Variants in MTERF1 observed in about 807,000 individuals in gnomAD.
The protein encoded by MTERF1 is transcription termination factor 1, mitochondrial.
In MTERF1, 29 loss-of-function variants were observed where a neutral mutation model predicts 31.6. The ratio of observed to expected loss-of-function variants is 0.92; its 90% CI spans 0.68 to 1.25. The LOEUF (loss-of-function observed/expected upper bound fraction) is 1.25. MTERF1 is among the 50% of genes most tolerant of loss of function. The pLI, the probability that MTERF1 is intolerant of heterozygous loss-of-function variation, is 0.00. For synonymous variants in MTERF1, 152 were observed against 164.1 expected (o/e 0.93, Z 0.57); for missense variants, 500 against 469.1 (o/e 1.07, Z -0.61).
chr7:91,878,387 C>T (rs1357641522), intron 2 of MTERF1, among the ~76,000 whole-genome samples: 1 of 152,094 alleles, frequency 6.6e-6, no homozygotes, highest in East Asian at 1.9e-4. Flanking sequence ...AACTTAGAAA[C>T]AGTAATTAAT....
rs1445438364 is a variant in MTERF1 at position 91,873,293 on chromosome 7, T to C, written c.*301A>G. ...AGAATCTGTTTCCTTGCCTTTTCAATCTTTTTTTACAGGCCCCCTTCATTC... is the reference window on the plus strand; with the variant it reads ...AGAATCTGTTTCCTTGCCTTTTCAACCTTTTTTTACAGGCCCCCTTCATTC... On this transcript the variant is annotated 3_prime_UTR_variant, in exon 3 of 3. Transcript: ENST00000351870. 8.7e-6 allele frequency: 2 copies of C among 229,208 alleles called. No homozygotes were observed. Among genetic ancestry groups the C allele is most frequent in the Admixed American group, 1.0e-4 (2 of 19,162 alleles). The allele number at this position is 229,208 out of a possible 1,614,324, so 14.2% of individuals were successfully genotyped here.
At chr7:91,880,398 T>A (rs1252230903) in intron 1 of MTERF1, 5 of 266,852 alleles carry the variant, frequency 1.9e-5, no homozygotes, top group Non-Finnish European at 3.6e-5. Context: ...AAGGTAGGCA[T>A]AAGCCTTAAA....
At position 91,876,793 on chromosome 7, in the gene MTERF1, A is replaced by G. The variant is rs996972270; in HGVS notation, c.30-2029T>C. On this transcript the variant is annotated intron_variant, in intron 2 of 2. Coordinates refer to ENST00000351870, the MANE Select transcript of MTERF1 (RefSeq NM_006980.5). ...TCACTTCTCCGTAATACCACATACT[A>G]CTCTGTAATTACTCTTCCAAAAATG... 5.8e-6 allele frequency: 3 copies of G among 513,138 alleles called. No individual in the cohort carries two copies. In the African/African-American group the frequency reaches 6.3e-5, roughly 11 times the overall value. The allele number at this position is 513,138 out of a possible 1,614,324, so 31.8% of individuals were successfully genotyped here.
rs902417604 is a variant in MTERF1 at position 91,880,684 on chromosome 7, C to G, written c.-58G>C. 1.3e-5 allele frequency: 2 copies of G among 152,342 alleles called. No individual in the cohort carries two copies. The highest frequency in any genetic ancestry group is 4.8e-5 in the African/African-American group (2 of 41,466). The allele number at this position is 152,342 out of a possible 1,614,324, so 9.4% of individuals were successfully genotyped here. On this transcript the variant is annotated 5_prime_UTR_variant, in exon 1 of 3. Transcript: ENST00000351870. The stretch of plus-strand genomic sequence containing the variant: ...TGAACTGCACCCATCCACTGTAGTT[C>G]GCTTTTACTTCCGCCTCTGGGGTCC...
chr7:91,874,928 T>C (rs950404631), intron 2 of MTERF1, among the ~76,000 whole-genome samples, 164 bp from the exon 3 acceptor site: 1 of 152,242 alleles, frequency 6.6e-6, no homozygotes, highest in Admixed American at 6.5e-5. Context: ...AATTATTAAA[T>C]AAATAGTAAA....
rs1378638751 is a variant in MTERF1, at chr7:91,871,673, AT to A, written c.*1920del. Reference sequence around the variant, plus strand: ...ATTTATAGACACAGAAAACAGATTCATTTTTGCTTAGGCTTGGGGGAACAAA... The same window carrying A: ...ATTTATAGACACAGAAAACAGATTCATTTTGCTTAGGCTTGGGGGAACAAA... On this transcript the variant is annotated 3_prime_UTR_variant, in exon 3 of 3. Coordinates refer to ENST00000351870, the MANE Select transcript of MTERF1 (RefSeq NM_006980.5). 6.6e-6 allele frequency: 1 copy of A among 152,186 alleles called. No homozygotes were observed. Among genetic ancestry groups the A allele is most frequent in the Non-Finnish European group, 1.5e-5 (1 of 68,028 alleles). 9.4% of individuals were successfully genotyped at this position (152,186 alleles called of 1,614,324 possible).
chr7:91,876,818 G>T, intron 2 of MTERF1: 1 of 795,040 alleles, frequency 1.3e-6, no homozygotes, highest in Non-Finnish European at 1.5e-6. Flanking sequence ...TTCCAAAAAT[G>T]CATGAATTTA....
intron 2 of MTERF1, among the ~76,000 whole-genome samples, chr7:91,877,506 ACTAT>A (rs940271760): frequency 2.0e-5 from 3 of 152,128 alleles, no homozygotes; most frequent in East Asian, 1.9e-4. Context: ...TATCACAATC[ACTAT>A]CTAAGAGTCA....
chr7:91,880,011 G>T, intron 2 of MTERF1, 44 bp downstream of exon 2: 1 of 1,609,714 alleles, frequency 6.2e-7, no homozygotes, highest in South Asian at 1.1e-5. Context: ...GTCTTCTTTT[G>T]ATACAGCAAG....
intron 1 of MTERF1, 170 bp from the exon 2 acceptor site, chr7:91,880,283 A>G: frequency 1.7e-6 from 1 of 574,536 alleles, no homozygotes; most frequent in East Asian, 2.9e-5. Context: ...CGGCAAGTAC[A>G]TGCCTACATA....
chr7:91,875,397 T>G (rs1299525004), intron 2 of MTERF1, among the ~76,000 whole-genome samples: 1 of 152,086 alleles, frequency 6.6e-6, no homozygotes, highest in African/African-American at 2.4e-5. Flanking sequence ...ACCACAGGAA[T>G]GCCCCACACG....
Position 91,873,695 on chromosome 7 carries a change from C to T in MTERF1, c.1099G>A (p.Val367Ile). The T allele has an allele frequency of 6.2e-7, 1 of 1,614,094 alleles. No homozygotes were observed. Among genetic ancestry groups the T allele is most frequent in the Non-Finnish European group, 8.5e-7 (1 of 1,179,996 alleles). The change falls in exon 3 of 3, where the codon GTA becomes ATA. Residue 367 changes from valine (V) to isoleucine (I), a missense_variant. Val to Ile is a conservative substitution (Grantham distance 29). Transcript: ENST00000351870. ...STLKSRIKELVNAGCNLSTLN... is the reference protein window; with the variant it reads ...STLKSRIKELINAGCNLSTLN... The stretch of plus-strand genomic sequence containing the variant: ...GTACTCAAGTTACAGCCAGCATTTA[C>T]CAATTCTTTGATTCGACTTTTTAAA...
chr7:91,874,789 TTACACAAA>T (rs1273462831), intron 2 of MTERF1, 25 bp from the exon 3 acceptor site: 1 of 1,506,152 alleles, frequency 6.6e-7, no homozygotes, highest in African/African-American at 1.4e-5. Context: ...ACATAAAATA[TTACACAAA>T]TGCATGTGTT....
chr7:91,873,883 C>A lies in MTERF1; in HGVS notation c.911G>T (p.Gly304Val), dbSNP rs143680014. ...CTTCTGTACCTCTTCTTCAGTACAT[C>A]CAAGAGAAAACAGCTTCTCTTTGAT... Reference protein sequence around the residue: ...ANIKEKLFSLGCTEEEVQKFV... With the variant: ...ANIKEKLFSLVCTEEEVQKFV... The change falls in exon 3 of 3, where the codon GGA (glycine) becomes GTA (valine). Residue 304 changes from glycine (G) to valine (V), a missense_variant. By Grantham distance (109) the Gly-to-Val change is moderately radical. Coordinates refer to ENST00000351870, the MANE Select transcript of MTERF1 (RefSeq NM_006980.5). The A allele has an allele frequency of 6.1e-5, 98 of 1,614,060 alleles. No individual in the cohort carries two copies. In the African/African-American group the frequency reaches 1.1e-3, roughly 19 times the overall value.
In MTERF1 at chr7:91,873,746, G is replaced by A. The variant is rs769312575; in HGVS notation, c.1048C>T (p.Arg350Trp). The change falls in exon 3 of 3, where the codon CGG (arginine) becomes TGG (tryptophan). Residue 350 changes from arginine (R) to tryptophan (W), a missense_variant. Coordinates refer to ENST00000351870, the MANE Select transcript of MTERF1 (RefSeq NM_006980.5). ...ISISQIIENP[R>W]VLDSSISTLK... ...GTACTTATGCTTGAATCCAGAACCC[G>A]AGGATTTTCGATTATTTGTGAAATG... The A allele has an allele frequency of 3.6e-5, 58 of 1,613,956 alleles. No individual in the cohort carries two copies. Among genetic ancestry groups the A allele is most frequent in the Non-Finnish European group, 4.3e-5 (51 of 1,180,004 alleles).
chr7:91,873,812 A>G lies in MTERF1; in HGVS notation c.982T>C (p.Phe328Leu). The change falls in exon 3 of 3, where the codon TTT becomes CTT. Residue 328 changes from phenylalanine to leucine, a missense_variant. Coordinates refer to ENST00000351870, the MANE Select transcript of MTERF1 (RefSeq NM_006980.5). ...PDVIFLAEKK[F>L]NDKIDCLMEE... Reference sequence around the variant, plus strand: ...ATGAGGCAGTCTATTTTATCATTAAACTTTTTCTCTGCCAAGAAGATCACA... The same window carrying G: ...ATGAGGCAGTCTATTTTATCATTAAGCTTTTTCTCTGCCAAGAAGATCACA... The G allele has an allele frequency of 1.2e-6, 2 of 1,614,112 alleles. No individual in the cohort carries two copies. The highest frequency in any genetic ancestry group is 1.6e-4 in the Middle Eastern group (1 of 6,062).
In MTERF1 at chr7:91,872,292, T is replaced by C. The variant is rs530306899; in HGVS notation, c.*1302A>G. ...TTTTTAAAATACTATCTTTTTATTA[T>C]AGCTATCACTGATTGCATCATTACT... On this transcript the variant is annotated 3_prime_UTR_variant, in exon 3 of 3. Coordinates refer to ENST00000351870, the MANE Select transcript of MTERF1 (RefSeq NM_006980.5). 3 of 152,376 alleles carry C rather than the reference T, an allele frequency of 2.0e-5. No individual in the cohort carries two copies. Among genetic ancestry groups the C allele is most frequent in the South Asian group, 2.1e-4 (1 of 4,828 alleles). 9.4% of individuals were successfully genotyped at this position (152,376 alleles called of 1,614,324 possible).
Position 91,873,573 on chromosome 7 carries a change from G to C in MTERF1, c.*21C>G. On this transcript the variant is annotated 3_prime_UTR_variant, in exon 3 of 3. Transcript: ENST00000351870. ...GGCATAACATATTCACAGTTCCTGAGAATTAAAAACATTGGCATCCTTAGG... is the reference window on the plus strand; with the variant it reads ...GGCATAACATATTCACAGTTCCTGACAATTAAAAACATTGGCATCCTTAGG... 7 of 1,566,466 alleles carry C rather than the reference G, an allele frequency of 4.5e-6. No individual in the cohort carries two copies. Among genetic ancestry groups the C allele is most frequent in the Non-Finnish European group, 6.1e-6 (7 of 1,156,800 alleles).
chr7:91,877,684 T>G (rs1331426371), intron 2 of MTERF1, among the ~76,000 whole-genome samples: 1 of 152,198 alleles, frequency 6.6e-6, no homozygotes, highest in Non-Finnish European at 1.5e-5. Flanking sequence ...TTACCCAGCC[T>G]GTAACAGCCA....
Sources: gnomAD v4.1 joint callset for allele counts (sites outside exome capture counted in the v4.1 genomes callset) on GRCh38, gnomAD v4.1.1 for gene constraint, MANE v1.5 for transcripts, NCBI Gene and HGNC (gene_info 2026-07-23, HGNC 2026-07-21) for gene names.